Variants in P3H3 observed in about 807,000 individuals in gnomAD.
P3H3 encodes the protein prolyl 3-hydroxylase 3, also known as gene rich cluster, B.
A neutral mutation model predicts 78.1 loss-of-function variants in P3H3; 64 were observed. That is an observed-to-expected ratio of 0.82 (90% CI 0.67 to 1.01). The LOEUF is 1.01. P3H3 is among the 50% of genes least tolerant of loss of function. P3H3 has a pLI of 0.00. For missense variants in P3H3, 975 were observed against 982.2 expected, an observed-to-expected ratio of 0.99 and a Z score of 0.10; for synonymous variants, 425 against 416.7, an observed-to-expected ratio of 1.02 and a Z score of -0.24.
chr12:6,838,981 C>A lies in P3H3; in HGVS notation c.1906-19C>A, dbSNP rs370610537. 1.2e-5 allele frequency: 19 copies of A among 1,560,300 alleles called. No homozygotes were observed. The Middle Eastern group carries it at 5.2e-4, about 42-fold the overall frequency. On this transcript the variant is annotated intron_variant, in intron 13 of 14. Transcript: ENST00000290510. ...GAGAGAGCCAATCCCTGGAGCTGAA[C>A]CTGCCCTCATCCCTCCAGGCTCGGG...
Position 6,829,986 on chromosome 12 carries a change from G to A in P3H3, c.626G>A (p.Arg209Gln). 3 of 1,613,938 alleles carry A rather than the reference G, an allele frequency of 1.9e-6. No homozygotes were observed. The highest frequency in any genetic ancestry group is 2.7e-5 in the African/African-American group (2 of 75,040). The change falls in exon 2 of 15, where the codon CGG (arginine) becomes CAG (glutamine). Residue 209 changes from arginine to glutamine, a missense_variant. Physicochemically the swap from Arg to Gln is conservative, Grantham distance 43. Coordinates refer to ENST00000290510, the MANE Select transcript of P3H3 (RefSeq NM_014262.5). The surrounding 1 kb of genome is among the most constrained non-coding windows in gnomAD (Gnocchi z 5.1). ...RMSGVRPQSF[R>Q]DLETPPHWAA... ...TCGGGAGTTCGGCCCCAGAGCTTCC[G>A]GGACCTGGAGACGCCCCCACACTGG... is the stretch of plus-strand genomic sequence containing the variant.
chr12:6,839,708 G>A lies in P3H3; in HGVS notation c.*247G>A. On this transcript the variant is annotated 3_prime_UTR_variant, in exon 15 of 15. Transcript: ENST00000290510. Reference sequence around the variant, plus strand: ...GCTGCCGGACCTGCAGCCCTGGACAGATGGGGAACACTGTGCCTCCCTGAA... The same window carrying A: ...GCTGCCGGACCTGCAGCCCTGGACAAATGGGGAACACTGTGCCTCCCTGAA... 1.9e-6 allele frequency: 1 copy of A among 517,970 alleles called. No individual in the cohort carries two copies. Among genetic ancestry groups the A allele is most frequent in the Non-Finnish European group, 3.5e-6 (1 of 289,246 alleles). 32.1% of individuals were successfully genotyped at this position (517,970 alleles called of 1,614,324 possible).
intron 6 of P3H3, 90 bp downstream of exon 6, chr12:6,832,004 C>A: frequency 1.3e-6 from 1 of 753,832 alleles, no homozygotes; most frequent in Non-Finnish European, 2.3e-6. Flanking sequence ...CATTTTTCCA[C>A]CATGAGGCTT....
At chr12:6,837,272 G>A in intron 10 of P3H3, 151 bp from the exon 11 acceptor site, 2 of 1,155,678 alleles carry the variant, frequency 1.7e-6, no homozygotes, top group South Asian at 1.5e-5. Flanking sequence ...GTCATGGAGA[G>A]AGAAGGAGCA....
intron 9 of P3H3, among the ~76,000 whole-genome samples, chr12:6,836,002 A>T (rs1591581649): frequency 2.0e-5 from 3 of 152,126 alleles, no homozygotes; most frequent in Admixed American, 1.3e-4. Flanking sequence ...GAGGCAGGCG[A>T]ATGGCTTGAG....
rs1468376896 is a variant in P3H3, at chr12:6,828,867, G to T, written c.427G>T (p.Val143Leu). Reference sequence around the variant, plus strand: ...CCCCGGGGGCGCGGCGCGGCTTCGCGTGGGGAGCGCGCTCCGGGACGCCTT... The same window carrying T: ...CCCCGGGGGCGCGGCGCGGCTTCGCTTGGGGAGCGCGCTCCGGGACGCCTT... Reference protein sequence around the residue: ...LGPGGAARLRVGSALRDAFRR... With the variant: ...LGPGGAARLRLGSALRDAFRR... Residue 143 changes from valine to leucine, a missense_variant, in exon 1 of 15, where the codon GTG (valine) becomes TTG (leucine). Coordinates refer to ENST00000290510, the MANE Select transcript of P3H3 (RefSeq NM_014262.5). 2 of 1,246,688 alleles carry T rather than the reference G, an allele frequency of 1.6e-6. No homozygotes were observed. Among genetic ancestry groups the T allele is most frequent in the Non-Finnish European group, 2.0e-6 (2 of 995,410 alleles). The allele number at this position is 1,246,688 out of a possible 1,614,324, so 77.2% of individuals were successfully genotyped here.
intron 9 of P3H3, among the ~76,000 whole-genome samples, chr12:6,835,336 A>G (rs1279894786): frequency 6.6e-6 from 1 of 152,198 alleles, no homozygotes; most frequent in Non-Finnish European, 1.5e-5. Flanking sequence ...TAATCCCAGC[A>G]CTTTAGGAGG....
intron 10 of P3H3, 167 bp downstream of exon 10, chr12:6,837,253 G>A (rs1326489079): frequency 1.3e-5 from 14 of 1,040,246 alleles, no homozygotes; most frequent in African/African-American, 4.8e-5. Flanking sequence ...AGCTGGGGCC[G>A]GGGTTGTTGT....
chr12:6,831,697 G>A lies in P3H3; in HGVS notation c.1123-128G>A, dbSNP rs781841559. On this transcript the variant is annotated intron_variant, in intron 5 of 14. Coordinates refer to ENST00000290510, the MANE Select transcript of P3H3 (RefSeq NM_014262.5). The surrounding 1 kb of genome is among the most constrained non-coding windows in gnomAD (Gnocchi z 4.6). ...TGCTCTGAAGCTGCTGAGGGGGAAC[G>A]TTGAACAGAGGAACCGGGGGGCATG... 2.0e-4 allele frequency: 145 copies of A among 721,202 alleles called. 1 individual carries two copies. The highest frequency in any genetic ancestry group is 1.2e-3 in the South Asian group (76 of 66,050). The allele number at this position is 721,202 out of a possible 1,614,324, so 44.7% of individuals were successfully genotyped here. A position where few individuals can be genotyped will look rare whatever the true frequency, so the allele number is the denominator to read the frequency against.
intron 2 of P3H3, 145 bp downstream of exon 2, chr12:6,830,156 G>A: frequency 8.6e-7 from 1 of 1,158,044 alleles, no homozygotes; most frequent in Middle Eastern, 2.7e-4. Context: ...CCTTCTCTAG[G>A]ACTTCGTTTC....
Position 6,837,486 on chromosome 12 carries a change from G to A in P3H3, c.1624G>A (p.Val542Met). 6.2e-7 allele frequency: 1 copy of A among 1,611,638 alleles called. No individual in the cohort carries two copies. Among genetic ancestry groups the A allele is most frequent in the Admixed American group, 1.7e-5 (1 of 59,694 alleles). Reference sequence around the variant, plus strand: ...GCTGCTTCTGGAGGTGAGCGAGCGGGTGCGGACCTTGACCCAGGCCTACTT... The same window carrying A: ...GCTGCTTCTGGAGGTGAGCGAGCGGATGCGGACCTTGACCCAGGCCTACTT... ...AKLLLEVSERVRTLTQAYFSP... is the reference protein window; with the variant it reads ...AKLLLEVSERMRTLTQAYFSP... Residue 542 changes from valine to methionine, a missense_variant, in exon 11 of 15, where the codon GTG becomes ATG. Coordinates refer to ENST00000290510, the MANE Select transcript of P3H3 (RefSeq NM_014262.5).
intron 14 of P3H3, 59 bp downstream of exon 14, chr12:6,839,199 G>A (rs1943533532): frequency 1.3e-6 from 2 of 1,571,530 alleles, no homozygotes; most frequent in Admixed American, 1.8e-5. Context: ...TGGGCAAGGA[G>A]CCCCCGAGAA....
intron 6 of P3H3, among the ~76,000 whole-genome samples, chr12:6,832,686 C>T (rs1191921425): frequency 1.3e-5 from 2 of 151,902 alleles, no homozygotes; most frequent in African/African-American, 4.8e-5. Flanking sequence ...ACTGCAACCT[C>T]CACCTCCCAG....
intron 6 of P3H3, among the ~76,000 whole-genome samples, chr12:6,832,290 G>A (rs782587198): frequency 3.3e-5 from 5 of 152,174 alleles, no homozygotes; most frequent in African/African-American, 7.2e-5. Flanking sequence ...AGGAAACTGC[G>A]GGGCGGAGGT....
At chr12:6,833,528 T>C in intron 6 of P3H3, 64 bp from the exon 7 acceptor site, 1 of 1,477,242 alleles carries the variant, frequency 6.8e-7, no homozygotes, top group South Asian at 1.1e-5. Flanking sequence ...ATATTTCAGC[T>C]CTAATGTCAG....
At chr12:6,832,176 A>G (rs1375340025) in intron 6 of P3H3, among the ~76,000 whole-genome samples, 2 of 152,206 alleles carry the variant, frequency 1.3e-5, no homozygotes, top group African/African-American at 4.8e-5. Flanking sequence ...GTAAGTTGGA[A>G]TAATCACATC....
Position 6,837,416 on chromosome 12 carries a change from C to T in P3H3, c.1561-7C>T, listed in dbSNP as rs2137967533. On this transcript the variant is annotated splice_region_variant and splice_polypyrimidine_tract_variant and intron_variant, in intron 10 of 14. Coordinates refer to ENST00000290510, the MANE Select transcript of P3H3 (RefSeq NM_014262.5). ...TCCTTTTCTGCCCTGCCTTTCACTG[C>T]CTGCAGCTGGCCCGGGCTGGGACAG... The T allele has an allele frequency of 1.2e-6, 2 of 1,608,074 alleles. No homozygotes were observed. The highest frequency in any genetic ancestry group is 2.2e-5 in the East Asian group (1 of 44,664).
rs782789356 is a variant in P3H3 at position 6,833,658 on chromosome 12, C to T, written c.1265+14C>T. 100 of 1,613,038 alleles carry T rather than the reference C, an allele frequency of 6.2e-5. No homozygotes were observed. Among genetic ancestry groups the T allele is most frequent in the South Asian group, 4.4e-4 (40 of 91,066 alleles). The stretch of plus-strand genomic sequence containing the variant: ...AGAAAAGCTCAGGTAGGATATGCCC[C>T]ATGGTGGGAGGGGCTTGGCCCGAGC... On this transcript the variant is annotated intron_variant, in intron 7 of 14. Coordinates refer to ENST00000290510, the MANE Select transcript of P3H3 (RefSeq NM_014262.5).
In P3H3 at chr12:6,831,385, G is replaced by C; in HGVS notation, c.1122+33G>C. Reference sequence around the variant, plus strand: ...CCTCTCCACGCTCACCTGGGAGGTAGCCCCAAATCAAACAAATAGACCTGA... The same window carrying C: ...CCTCTCCACGCTCACCTGGGAGGTACCCCCAAATCAAACAAATAGACCTGA... On this transcript the variant is annotated intron_variant, in intron 5 of 14. Transcript: ENST00000290510. The surrounding 1 kb of genome is among the most constrained non-coding windows in gnomAD (Gnocchi z 4.6). The C allele has an allele frequency of 6.2e-7, 1 of 1,612,062 alleles. No homozygotes were observed. Among genetic ancestry groups the C allele is most frequent in the Middle Eastern group, 1.8e-4 (1 of 5,512 alleles).
Sources: allele counts gnomAD v4.1 joint callset (sites outside exome capture counted in the v4.1 genomes callset), GRCh38; gene constraint gnomAD v4.1.1; non-coding constraint Gnocchi (gnomAD v3.1); transcripts MANE v1.5; gene names NCBI Gene and HGNC (gene_info 2026-07-23, HGNC 2026-07-21).